KCND2: variants seen among roughly 807,000 people sequenced by gnomAD.
The protein encoded by KCND2 is A-type voltage-gated potassium channel KCND2.
In KCND2, 16 loss-of-function variants were observed where a neutral mutation model predicts 54.4. The observed-to-expected ratio is 0.29, with a 90% CI of 0.20 to 0.45. KCND2 has a LOEUF of 0.45. KCND2 is among the 20% of genes least tolerant of loss of function. The pLI, the probability that KCND2 is intolerant of heterozygous loss-of-function variation, is 1.00. For missense variants in KCND2, 486 were observed against 824.2 expected (o/e 0.59, Z 5.02); for synonymous variants, 317 against 310.7 (o/e 1.02, Z -0.21).
chr7:120,673,323 A>T (rs1792017503), intron 1 of KCND2, among the ~76,000 whole-genome samples: 1 of 152,154 alleles, frequency 6.6e-6, no homozygotes, highest in Non-Finnish European at 1.5e-5. Context: ...AGTTAACACA[A>T]ACTGAATGTT....
chr7:120,438,998 A>G (rs996053514), intron 1 of KCND2, among the ~76,000 whole-genome samples: 2 of 152,106 alleles, frequency 1.3e-5, no homozygotes, highest in Non-Finnish European at 2.9e-5. Flanking sequence ...AGCATGGCTG[A>G]ATCTTAGTTT....
chr7:120,363,933 G>C (rs1048736066), intron 1 of KCND2, among the ~76,000 whole-genome samples: 1 of 152,038 alleles, frequency 6.6e-6, no homozygotes, highest in Non-Finnish European at 1.5e-5. Flanking sequence ...TCTGCACTCA[G>C]ATGCCTTTGC....
intron 1 of KCND2, among the ~76,000 whole-genome samples, chr7:120,308,800 C>A (rs1198114042): frequency 6.6e-6 from 1 of 152,106 alleles, no homozygotes; most frequent in Non-Finnish European, 1.5e-5. Context: ...TGTTTAACTT[C>A]TCTGAGACTT....
intron 1 of KCND2, among the ~76,000 whole-genome samples, chr7:120,644,815 C>A (rs1353884694): frequency 6.6e-6 from 1 of 152,142 alleles, no homozygotes; most frequent in Admixed American, 6.6e-5. Flanking sequence ...TAGTATTTAT[C>A]TCTTATCCTA....
At chr7:120,733,146 C>T in intron 2 of KCND2, 81 bp downstream of exon 2, 3 of 1,425,288 alleles carry the variant, frequency 2.1e-6, no homozygotes, top group Non-Finnish European at 3.0e-6. Context: ...AATGGTTATT[C>T]AGTGCTCTGG....
intron 1 of KCND2, among the ~76,000 whole-genome samples, chr7:120,550,619 T>C (rs560563376): frequency 9.9e-5 from 15 of 152,276 alleles, no homozygotes; most frequent in South Asian, 6.2e-4. Flanking sequence ...CACTTTGTAG[T>C]CAACCACAGA....
At chr7:120,645,012 C>A (rs1406869306) in intron 1 of KCND2, among the ~76,000 whole-genome samples, 1 of 152,082 alleles carries the variant, frequency 6.6e-6, no homozygotes, top group Non-Finnish European at 1.5e-5. Flanking sequence ...CCCATATCTG[C>A]CTTTAATGTC....
At position 120,602,310 on chromosome 7, in the gene KCND2, C is replaced by G. The variant is rs180940189; in HGVS notation, c.1116-130593C>G. 3.9e-5 allele frequency among the ~76,000 whole-genome samples: 6 copies of G among 152,150 alleles called. No individual in the cohort carries two copies. The East Asian group carries it at 1.2e-3, about 29-fold the overall frequency. ...TGGTGATGAGATTAATGTCTGTTAC[C>G]TCTGTTTTTTCCACAAGTGCACCAC... On this transcript the variant is annotated intron_variant, in intron 1 of 5. Coordinates refer to ENST00000331113, the MANE Select transcript of KCND2 (RefSeq NM_012281.3).
chr7:120,535,216 C>T (rs1467763226), intron 1 of KCND2, among the ~76,000 whole-genome samples: 1 of 152,130 alleles, frequency 6.6e-6, no homozygotes, highest in Non-Finnish European at 1.5e-5. Flanking sequence ...ACAATATATA[C>T]ACATTCTGTG....
chr7:120,333,313 G>C (rs1800094446), intron 1 of KCND2, among the ~76,000 whole-genome samples: 1 of 152,056 alleles, frequency 6.6e-6, no homozygotes, highest in South Asian at 2.1e-4. Flanking sequence ...TATCATACTA[G>C]AGATTAATTG....
intron 1 of KCND2, among the ~76,000 whole-genome samples, chr7:120,308,506 A>T (rs111800670): frequency 1.6e-4 from 25 of 152,308 alleles, no homozygotes; most frequent in African/African-American, 5.5e-4. Flanking sequence ...ATAAAATCAC[A>T]GAGTTAAGGT....
intron 1 of KCND2, among the ~76,000 whole-genome samples, chr7:120,493,172 C>A (rs550373944): frequency 2.0e-5 from 3 of 150,680 alleles, no homozygotes; most frequent in Non-Finnish European, 3.0e-5. Flanking sequence ...TAATTCTTAT[C>A]TATATATTAG....
At chr7:120,348,488 A>G (rs1469540126) in intron 1 of KCND2, among the ~76,000 whole-genome samples, 1 of 152,222 alleles carries the variant, frequency 6.6e-6, no homozygotes, top group African/African-American at 2.4e-5. Flanking sequence ...GATGCTATAT[A>G]TCTTGACAAA....
intron 1 of KCND2, among the ~76,000 whole-genome samples, chr7:120,315,544 T>G (rs1168973258): frequency 6.6e-6 from 1 of 151,676 alleles, no homozygotes; most frequent in African/African-American, 2.4e-5. Flanking sequence ...TGTCGATTAT[T>G]TTGCCAGATA....
At chr7:120,659,913 A>G (rs972985243) in intron 1 of KCND2, among the ~76,000 whole-genome samples, 2 of 152,186 alleles carry the variant, frequency 1.3e-5, no homozygotes, top group Non-Finnish European at 2.9e-5. Context: ...GTGTTGTTCA[A>G]GAGTCAAATT....
At chr7:120,671,387 C>T (rs1050550885) in intron 1 of KCND2, among the ~76,000 whole-genome samples, 1 of 152,114 alleles carries the variant, frequency 6.6e-6, no homozygotes, top group South Asian at 2.1e-4. Context: ...CTCATACGCC[C>T]GCTGCTCCTC....
At chr7:120,404,495 G>A (rs1278371240) in intron 1 of KCND2, among the ~76,000 whole-genome samples, 1 of 151,968 alleles carries the variant, frequency 6.6e-6, no homozygotes, top group Non-Finnish European at 1.5e-5. Flanking sequence ...TGTAAAGCAA[G>A]GAAAATGAGA....
At chr7:120,425,933 T>A (rs1339155873) in intron 1 of KCND2, among the ~76,000 whole-genome samples, 2 of 149,820 alleles carry the variant, frequency 1.3e-5, no homozygotes, top group African/African-American at 2.5e-5. Context: ...TTTTCCCATT[T>A]CTATCTTGAC....
intron 1 of KCND2, among the ~76,000 whole-genome samples, chr7:120,462,593 T>G (rs1367784854): frequency 6.6e-6 from 1 of 152,052 alleles, no homozygotes; most frequent in Non-Finnish European, 1.5e-5. Flanking sequence ...AAATGATTTT[T>G]AAAGTGTAAT....
Sources: allele counts gnomAD v4.1 joint callset (sites outside exome capture counted in the v4.1 genomes callset), GRCh38; gene constraint gnomAD v4.1.1; transcripts MANE v1.5; gene names NCBI Gene and HGNC (gene_info 2026-07-23, HGNC 2026-07-21).